ME3: variants seen among roughly 807,000 people sequenced by gnomAD.
The protein encoded by ME3 is NADP-dependent malic enzyme, mitochondrial.
Under a neutral mutation model 68.9 loss-of-function variants are expected in ME3, and 48 were observed. That is an observed-to-expected ratio of 0.70 (90% CI 0.55 to 0.89). ME3 has a LOEUF of 0.89. Ranked by LOEUF, ME3 falls within the 40% of genes least tolerant of loss-of-function variation. The pLI is 0.00. For synonymous variants in ME3, 320 were observed against 318.8 expected (o/e 1.00, Z -0.04); for missense variants, 675 against 797.4 (o/e 0.85, Z 1.85).
chr11:86,484,987 C>T (rs1951605909), intron 7 of ME3, among the ~76,000 whole-genome samples: 1 of 152,196 alleles, frequency 6.6e-6, no homozygotes, highest in African/African-American at 2.4e-5. Flanking sequence ...TAAAGAACAT[C>T]TGATGCTTGA....
chr11:86,475,350 A>G (rs1265306380), intron 7 of ME3, among the ~76,000 whole-genome samples: 2 of 152,130 alleles, frequency 1.3e-5, no homozygotes, highest in African/African-American at 4.8e-5. Context: ...GCCTTCTGCC[A>G]TGATTGTAAG....
chr11:86,542,567 C>G (rs1956113241), intron 4 of ME3, among the ~76,000 whole-genome samples: 1 of 151,936 alleles, frequency 6.6e-6, no homozygotes, highest in African/African-American at 2.4e-5. Context: ...GATGGAAGAT[C>G]AACTTAATGA....
At position 86,671,776 on chromosome 11, in the gene ME3, G is replaced by A. The variant is rs748270186; in HGVS notation, c.169C>T (p.Pro57Ser). 1.9e-6 allele frequency: 3 copies of A among 1,603,104 alleles called. No homozygotes were observed. The South Asian group carries it at 3.4e-5, about 18-fold the overall frequency. Residue 57 changes from proline (P) to serine (S), a missense_variant, in exon 2 of 15, where the codon CCT becomes TCT. Pro to Ser is a moderately conservative substitution (Grantham distance 74, BLOSUM62 -1). Transcript: ENST00000543262. ...TGGCCCATTACCTTGTTGAGATGAGGGTTCCTGGTGACATCGTATCCGCGC... is the reference window on the plus strand; with the variant it reads ...TGGCCCATTACCTTGTTGAGATGAGAGTTCCTGGTGACATCGTATCCGCGC...
At chr11:86,633,931 G>A (rs1196414910) in intron 2 of ME3, among the ~76,000 whole-genome samples, 1 of 152,196 alleles carries the variant, frequency 6.6e-6, no homozygotes, top group Non-Finnish European at 1.5e-5. Context: ...ACAGCCCCAT[G>A]CTGATTCTGC....
intron 2 of ME3, among the ~76,000 whole-genome samples, chr11:86,601,323 A>C (rs1288905392): frequency 6.6e-6 from 1 of 152,218 alleles, no homozygotes; most frequent in Non-Finnish European, 1.5e-5. Flanking sequence ...TACTACAAAC[A>C]CCTCTACGCA....
chr11:86,648,607 T>G (rs1400334712), intron 2 of ME3, among the ~76,000 whole-genome samples: 1 of 152,098 alleles, frequency 6.6e-6, no homozygotes, highest in Non-Finnish European at 1.5e-5. Flanking sequence ...CTCCTTTTCT[T>G]CTTTATTAAT....
intron 2 of ME3, among the ~76,000 whole-genome samples, chr11:86,580,213 A>T (rs1193891502): frequency 1.3e-5 from 2 of 152,132 alleles, no homozygotes; most frequent in Non-Finnish European, 2.9e-5. Context: ...GCTGTTCTAG[A>T]TTGACATTGT....
downstream of ME3, among the ~76,000 whole-genome samples, chr11:86,437,538 CT>C (rs1386926844): frequency 8.4e-6 from 1 of 118,676 alleles, no homozygotes; most frequent in Non-Finnish European, 1.9e-5. Context: ...ATAGTGTTCA[CT>C]TTATAGATTT....
At chr11:86,663,964 G>C (rs963939079) in intron 2 of ME3, among the ~76,000 whole-genome samples, 2 of 152,206 alleles carry the variant, frequency 1.3e-5, no homozygotes, top group African/African-American at 4.8e-5. Context: ...AGATATTGCT[G>C]TTTACAACTG....
intron 2 of ME3, among the ~76,000 whole-genome samples, chr11:86,663,500 G>C (rs1427008485): frequency 6.6e-6 from 1 of 152,184 alleles, no homozygotes; most frequent in Non-Finnish European, 1.5e-5. Flanking sequence ...CTGCATCAGA[G>C]AGGCAGTCGG....
At chr11:86,535,195 G>A (rs976683072) in intron 4 of ME3, among the ~76,000 whole-genome samples, 1 of 152,066 alleles carries the variant, frequency 6.6e-6, no homozygotes, top group Admixed American at 6.5e-5. Flanking sequence ...AATTTTCTCT[G>A]CTCCTTACTA....
chr11:86,450,081 AC>A (rs1949546790), intron 9 of ME3, 79 bp from the exon 10 acceptor site: 1 of 1,234,672 alleles, frequency 8.1e-7, no homozygotes, highest in Admixed American at 2.0e-5. Flanking sequence ...TGCCATAAGG[AC>A]CCCCTTTTCT....
In ME3 at chr11:86,508,800, T is replaced by G. The variant is rs201638527; in HGVS notation, c.535A>C (p.Asn179His). ...TGAAAACGGGATCATACCTTAATAT[T>G]GTCTTCTGGCCAAGAATTCAGCATT... Residue 179 changes from asparagine (N) to histidine (H), a missense_variant, in exon 5 of 15, where the codon AAT becomes CAT. Transcript: ENST00000543262. The G allele has an allele frequency of 3.8e-5, 62 of 1,611,260 alleles. No individual in the cohort carries two copies. The East Asian group carries it at 6.7e-4, about 17-fold the overall frequency.
chr11:86,533,917 ACCTAGGCTACGTGGCATAGCCTATTGCT>A (rs1955451654), intron 4 of ME3, among the ~76,000 whole-genome samples: 1 of 152,080 alleles, frequency 6.6e-6, no homozygotes, highest in African/African-American at 2.4e-5. Flanking sequence ...CCTATTACAC[ACCTAGGCTACGTGGCATAGCCTATTGCT>A]CCTAGGCTAC....
intron 7 of ME3, among the ~76,000 whole-genome samples, chr11:86,480,147 C>G (rs1951317513): frequency 6.6e-6 from 1 of 152,190 alleles, no homozygotes; most frequent in Non-Finnish European, 1.5e-5. Context: ...TCTTTTGAAT[C>G]TCATTACAGT....
At chr11:86,513,423 C>G (rs913962039) in intron 4 of ME3, among the ~76,000 whole-genome samples, 1 of 152,162 alleles carries the variant, frequency 6.6e-6, no homozygotes, top group Non-Finnish European at 1.5e-5. Context: ...TTTGAGATGT[C>G]TAGTCCAAAG....
chr11:86,485,047 A>G (rs966221675), intron 7 of ME3, among the ~76,000 whole-genome samples: 2 of 151,882 alleles, frequency 1.3e-5, no homozygotes, highest in African/African-American at 4.8e-5. Flanking sequence ...CTATCCTTGA[A>G]CTCTTTCTGT....
At chr11:86,613,176 A>G (rs573391159) in intron 2 of ME3, among the ~76,000 whole-genome samples, 47 of 152,282 alleles carry the variant, frequency 3.1e-4, no homozygotes, top group African/African-American at 1.1e-3. Context: ...CCCTTTCCCC[A>G]TTGCTTATTT....
At chr11:86,494,022 T>TG in intron 6 of ME3, among the ~76,000 whole-genome samples, 1 of 148,944 alleles carries the variant, frequency 6.7e-6, no homozygotes, top group South Asian at 2.2e-4. Context: ...CTGGGACTTC[T>TG]GGGGGGAATA....
Sources: gnomAD v4.1 joint callset for allele counts (sites outside exome capture counted in the v4.1 genomes callset) on GRCh38, gnomAD v4.1.1 for gene constraint, MANE v1.5 for transcripts, NCBI Gene and HGNC (gene_info 2026-07-23, HGNC 2026-07-21) for gene names.